ELP1: variants seen among roughly 807,000 people sequenced by gnomAD.
The protein encoded by ELP1 is elongator acetyltransferase complex subunit 1.
Under a neutral mutation model 183.2 loss-of-function variants are expected in ELP1, and 131 were observed. The observed-to-expected ratio is 0.72, with a 90% CI of 0.62 to 0.83. ELP1 has a LOEUF of 0.83. Ranked by LOEUF, ELP1 falls within the 40% of genes least tolerant of loss-of-function variation. ELP1 has a pLI of 0.00. For synonymous variants in ELP1, 555 were observed against 569.0 expected (o/e 0.98, Z 0.35); for missense variants, 1,550 against 1,594.9 (o/e 0.97, Z 0.48).
intron 3 of ELP1, among the ~76,000 whole-genome samples, chr9:108,929,563 T>C (rs1427160891): frequency 3.3e-5 from 5 of 152,242 alleles, no homozygotes; most frequent in African/African-American, 1.2e-4. Context: ...GATTAATAGA[T>C]GCAGCAGACA....
chr9:108,900,374 T>TTTA lies in ELP1; in HGVS notation c.2015_2016insTAA (p.Thr672_Leu673insLys), dbSNP rs763626744. 2.5e-6 allele frequency: 4 copies of TTTA among 1,610,950 alleles called. No homozygotes were observed. In the African/African-American group the frequency reaches 5.3e-5, roughly 22 times the overall value. ...GATTGCTGCTCAGGCCGGCCTGTAA[T>TTTA]GCTAAACACACCATTAACTAATAAG... On this transcript the variant is annotated inframe_insertion and splice_region_variant, in exon 19 of 37. Transcript: ENST00000374647.
chr9:108,886,463 G>C (rs1397916515), intron 29 of ELP1, among the ~76,000 whole-genome samples: 1 of 152,092 alleles, frequency 6.6e-6, no homozygotes, highest in Non-Finnish European at 1.5e-5. Flanking sequence ...AGAGAAAAAG[G>C]GTAATAAATC....
chr9:108,898,327 G>T (rs754580178), intron 22 of ELP1, among the ~76,000 whole-genome samples, 175 bp downstream of exon 22: 5 of 152,124 alleles, frequency 3.3e-5, no homozygotes, highest in Non-Finnish European at 7.4e-5. Context: ...TTTTAAACAG[G>T]CTGTTTTAAA....
At chr9:108,891,425 G>C (rs763160264) in intron 27 of ELP1, 21 bp from the exon 28 acceptor site, 9 of 1,602,054 alleles carry the variant, frequency 5.6e-6, no homozygotes, top group Non-Finnish European at 7.7e-6. Context: ...AGGAGATTTA[G>C]GACTGAGGAG....
chr9:108,891,544 T>C (rs1440227736), intron 27 of ELP1, 140 bp from the exon 28 acceptor site: 2 of 759,678 alleles, frequency 2.6e-6, no homozygotes, highest in African/African-American at 1.7e-5. Context: ...GATCAGTTAG[T>C]ACAGTCATTT....
chr9:108,932,505 T>C (rs552370439), intron 1 of ELP1, among the ~76,000 whole-genome samples: 6 of 152,000 alleles, frequency 3.9e-5, no homozygotes, highest in African/African-American at 1.4e-4. Flanking sequence ...CCATGCCCAG[T>C]TAATTTTTGT....
intron 25 of ELP1, among the ~76,000 whole-genome samples, chr9:108,896,039 C>T (rs1361736320): frequency 1.3e-5 from 2 of 152,132 alleles, no homozygotes; most frequent in Admixed American, 6.5e-5. Flanking sequence ...AGGCGGATCA[C>T]GAGGTCAGGA....
Position 108,872,803 on chromosome 9 carries a change from TGAAAAAAAAAAAAAAAAAA to T in ELP1, c.3931+2073_3931+2091del, listed in dbSNP as rs1156575047. ...CTGGGCCACAGAGCAAGACTCTGTC[TGAAAAAAAAAAAAAAAAAA>T]AAAAAAAAAAAAAAAAACTAGTTAC... On this transcript the variant is annotated intron_variant, in intron 36 of 36. Coordinates refer to ENST00000374647, the MANE Select transcript of ELP1 (RefSeq NM_003640.5). Among the ~76,000 whole-genome samples, 181 of 62,820 alleles carry T rather than the reference TGAAAAAAAAAAAAAAAAAA, an allele frequency of 2.9e-3. 2 individuals are homozygous for T. The highest frequency in any genetic ancestry group is 0.013 in the African/African-American group (167 of 12,882). The allele number at this position is 62,820 out of a possible 152,430, so 41.2% of individuals were successfully genotyped here. A position where few individuals can be genotyped will look rare whatever the true frequency, so the allele number is the denominator to read the frequency against.
At chr9:108,871,335 C>T (rs1215681345) in intron 36 of ELP1, among the ~76,000 whole-genome samples, 1 of 152,116 alleles carries the variant, frequency 6.6e-6, no homozygotes, top group Non-Finnish European at 1.5e-5. Flanking sequence ...GTGTTGAACT[C>T]ATGGAGTTTG....
At chr9:108,905,988 T>C (rs1829004955) in intron 14 of ELP1, among the ~76,000 whole-genome samples, 1 of 152,106 alleles carries the variant, frequency 6.6e-6, no homozygotes, top group Admixed American at 6.5e-5. Context: ...TGACAGTTAT[T>C]AAAATCAATT....
At position 108,877,987 on chromosome 9, in the gene ELP1, A is replaced by C; in HGVS notation, c.3855+8T>G. On this transcript the variant is annotated splice_region_variant and intron_variant, in intron 35 of 36. Transcript: ENST00000374647. Reference sequence around the variant, plus strand: ...AAAAAAATGCACACCGTCTCTGAGAAAACTTACCGGGGTAGCTGAATTCTG... The same window carrying C: ...AAAAAAATGCACACCGTCTCTGAGACAACTTACCGGGGTAGCTGAATTCTG... The C allele has an allele frequency of 6.2e-7, 1 of 1,614,202 alleles. No individual in the cohort carries two copies. The highest frequency in any genetic ancestry group is 2.2e-5 in the East Asian group (1 of 44,884).
At chr9:108,912,520 C>T (rs749659017) in intron 10 of ELP1, 26 bp from the exon 11 acceptor site, 15 of 1,552,476 alleles carry the variant, frequency 9.7e-6, no homozygotes, top group Admixed American at 5.0e-5. Context: ...AAAAGAAGGC[C>T]GTTAGAGGCT....
At chr9:108,896,066 G>C (rs534641583) in intron 25 of ELP1, among the ~76,000 whole-genome samples, 1 of 152,142 alleles carries the variant, frequency 6.6e-6, no homozygotes, top group Non-Finnish European at 1.5e-5. Context: ...GACCATCCTG[G>C]CTAACACAGT....
chr9:108,911,145 C>T lies in ELP1; in HGVS notation c.1225G>A (p.Val409Ile). The change falls in exon 12 of 37, where the codon GTT (valine) becomes ATT (isoleucine). Residue 409 changes from valine to isoleucine, a missense_variant. Coordinates refer to ENST00000374647, the MANE Select transcript of ELP1 (RefSeq NM_003640.5). ...TGGTAGGTGCACATGGGAGGCGGAACCACAGTCTGCCGGAAGACTGTCACC... is the reference window on the plus strand; with the variant it reads ...TGGTAGGTGCACATGGGAGGCGGAATCACAGTCTGCCGGAAGACTGTCACC... ...VLVTVFRQTVVPPPMCTYQLL... is the reference protein window; with the variant it reads ...VLVTVFRQTVIPPPMCTYQLL... The T allele has an allele frequency of 6.2e-7, 1 of 1,614,112 alleles. No homozygotes were observed. Among genetic ancestry groups the T allele is most frequent in the Non-Finnish European group, 8.5e-7 (1 of 1,180,024 alleles).
intron 31 of ELP1, 70 bp from the exon 32 acceptor site, chr9:108,880,235 G>A: frequency 1.0e-6 from 1 of 1,004,776 alleles, no homozygotes; most frequent in Non-Finnish European, 1.6e-6. Context: ...AAGGCGGGGA[G>A]CAGTGAAGGA....
intron 28 of ELP1, among the ~76,000 whole-genome samples, chr9:108,890,422 C>T (rs780376695): frequency 1.3e-5 from 2 of 152,050 alleles, no homozygotes; most frequent in African/African-American, 2.4e-5. Context: ...TTTAGGACTG[C>T]TTTTTATTTT....
At position 108,898,579 on chromosome 9, in the gene ELP1, C is replaced by T; in HGVS notation, c.2286G>A (p.Val762=). ...TGAAGGTTTCCACATTTCCAAGAAA[C>T]ACCTACCAAAAAAAGGACAAAACAT... ...LNLIYDHNPK[V]FLGNVETFIK... is the part of the protein sequence containing the mutation. Residue 762 remains valine (V), a splice_region_variant and synonymous_variant, in exon 22 of 37, where the codon GTG becomes GTA. Coordinates refer to ENST00000374647, the MANE Select transcript of ELP1 (RefSeq NM_003640.5). The T allele has an allele frequency of 6.2e-7, 1 of 1,607,854 alleles. No individual in the cohort carries two copies. The highest frequency in any genetic ancestry group is 8.5e-7 in the Non-Finnish European group (1 of 1,175,030).
At chr9:108,895,258 GA>G (rs1202202462) in intron 25 of ELP1, among the ~76,000 whole-genome samples, 2 of 152,088 alleles carry the variant, frequency 1.3e-5, no homozygotes, top group African/African-American at 4.8e-5. Context: ...CCGCACTCTA[GA>G]TAAAGACACA....
At chr9:108,877,266 T>C (rs1827737178) in intron 35 of ELP1, among the ~76,000 whole-genome samples, 1 of 152,234 alleles carries the variant, frequency 6.6e-6, no homozygotes, top group African/African-American at 2.4e-5. Context: ...CTACAGTTAC[T>C]ATCTCAATGT....
Sources: gnomAD v4.1 joint callset for allele counts (sites outside exome capture counted in the v4.1 genomes callset) on GRCh38, gnomAD v4.1.1 for gene constraint, MANE v1.5 for transcripts, NCBI Gene and HGNC (gene_info 2026-07-23, HGNC 2026-07-21) for gene names.